The following FAT3 variants were observed in gnomAD, a reference collection of about 807,000 sequenced individuals.
The protein encoded by FAT3 is protocadherin Fat 3.
In FAT3, 95 loss-of-function variants were observed where a neutral mutation model predicts 310.2. That is an observed-to-expected ratio of 0.31 (90% CI 0.26 to 0.36). FAT3 has a LOEUF of 0.36. Among genes scored for constraint, FAT3 ranks in the 10% least tolerant of loss-of-function variants. The pLI, the probability that FAT3 is intolerant of heterozygous loss-of-function variation, is 1.00. For missense variants in FAT3, 5,408 were observed against 5,715.6 expected (o/e 0.95, Z 1.74); for synonymous variants, 2,314 against 2,192.9 (o/e 1.06, Z -1.54).
chr11:92,810,122 T>TGA, intron 13 of FAT3, 46 bp downstream of exon 13: 1 of 1,544,240 alleles, frequency 6.5e-7, no homozygotes, highest in Non-Finnish European at 8.9e-7. Context: ...GGACACTTTG[T>TGA]CTTCAGGTGC....
intron 1 of FAT3, among the ~76,000 whole-genome samples, chr11:92,278,811 G>A (rs1477674653): frequency 6.6e-6 from 1 of 152,094 alleles, no homozygotes; most frequent in Non-Finnish European, 1.5e-5. Context: ...TAAAGGTATG[G>A]AGCTAGAGGG....
chr11:92,593,560 C>T (rs918443118), intron 3 of FAT3, among the ~76,000 whole-genome samples: 1 of 151,816 alleles, frequency 6.6e-6, no homozygotes, highest in African/African-American at 2.4e-5. Context: ...AGAGTATTTT[C>T]CTTATAGTCA....
chr11:92,541,955 C>T (rs1954461822), intron 3 of FAT3, among the ~76,000 whole-genome samples: 1 of 152,068 alleles, frequency 6.6e-6, no homozygotes, highest in Non-Finnish European at 1.5e-5. Flanking sequence ...ACCTGTTTTA[C>T]ATGATGAAAG....
intron 2 of FAT3, among the ~76,000 whole-genome samples, chr11:92,455,281 G>A (rs2135084425): frequency 6.6e-6 from 1 of 152,238 alleles, no homozygotes; most frequent in East Asian, 1.9e-4. Flanking sequence ...TACAGCTTTA[G>A]TTTATCCATG....
chr11:92,860,138 C>G (rs1333295279), intron 21 of FAT3, among the ~76,000 whole-genome samples: 1 of 152,190 alleles, frequency 6.6e-6, no homozygotes, highest in African/African-American at 2.4e-5. Flanking sequence ...GACAGAGACT[C>G]TTTCTCAAAA....
chr11:92,335,597 T>A lies in FAT3; in HGVS notation c.-17-16499T>A, dbSNP rs973440665. On this transcript the variant is annotated intron_variant, in intron 1 of 27. Coordinates refer to ENST00000525166, the MANE Select transcript of FAT3 (RefSeq NM_001367949.2). ...CTTATTTAGAAACATATATATATTT[T>A]TTATTTTGAATTGTGTAAAAAAAGA... is the stretch of plus-strand genomic sequence containing the variant. Among the ~76,000 whole-genome samples, 5 of 152,212 alleles carry A rather than the reference T, an allele frequency of 3.3e-5. No individual in the cohort carries two copies. In the South Asian group the frequency reaches 1.0e-3, roughly 31 times the overall value.
chr11:92,353,387 G>T lies in FAT3; in HGVS notation c.1275G>T (p.Arg425=), dbSNP rs995159160. Residue 425 remains arginine, a synonymous_variant, in exon 2 of 28, where the codon CGG becomes CGT. Transcript: ENST00000525166. ...CAGTGTACTTTAAAATTAATCCTCG[G>T]TCGGGTCTGATTGTTACAGCACGGC... ...EDAVYFKINP[R]SGLIVTARPL... is the part of the protein sequence containing the mutation. 6 of 1,613,352 alleles carry T rather than the reference G, an allele frequency of 3.7e-6. No homozygotes were observed. Among genetic ancestry groups the T allele is most frequent in the African/African-American group, 1.3e-5 (1 of 74,992 alleles).
At position 92,735,557 on chromosome 11, in the gene FAT3, CATAGATAGATAGATAGATAG is replaced by C. The variant is rs35680919; in HGVS notation, c.3670-26273_3670-26254del. Among the ~76,000 whole-genome samples, 1,275 of 148,854 alleles carry C rather than the reference CATAGATAGATAGATAGATAG, an allele frequency of 8.6e-3. 17 individuals are homozygous for C. The highest frequency in any genetic ancestry group is 0.03 in the African/African-American group (1,207 of 40,398). ...ATGACTAGAAGGATGGATGGATGAGCATAGATAGATAGATAGATAGATAGATAGATAGATAGATAGATAGA... is the reference window on the plus strand; with the variant it reads ...ATGACTAGAAGGATGGATGGATGAGCATAGATAGATAGATAGATAGATAGA... On this transcript the variant is annotated intron_variant, in intron 4 of 27. Transcript: ENST00000525166.
chr11:92,696,072 C>T (rs1236720540), intron 3 of FAT3, among the ~76,000 whole-genome samples: 3 of 151,944 alleles, frequency 2.0e-5, no homozygotes, highest in Non-Finnish European at 1.5e-5. Flanking sequence ...AATTATTTCA[C>T]ATGGTATGCT....
chr11:92,466,818 T>G (rs1288638712), intron 2 of FAT3, among the ~76,000 whole-genome samples: 1 of 146,388 alleles, frequency 6.8e-6, no homozygotes, highest in Admixed American at 7.2e-5. Flanking sequence ...CACCTATGAG[T>G]GAGAACATGC....
intron 3 of FAT3, among the ~76,000 whole-genome samples, chr11:92,586,779 G>A (rs181433793): frequency 1.3e-5 from 2 of 151,972 alleles, no homozygotes; most frequent in East Asian, 3.9e-4. Context: ...CTTTTTGGGG[G>A]GAACATACTT....
At chr11:92,329,562 A>ATT (rs1265778412) in intron 1 of FAT3, among the ~76,000 whole-genome samples, 1 of 151,060 alleles carries the variant, frequency 6.6e-6, no homozygotes, top group Non-Finnish European at 1.5e-5. Flanking sequence ...TAGGCTGTTA[A>ATT]TTAAGTTTAT....
At chr11:92,606,764 A>G (rs961674047) in intron 3 of FAT3, among the ~76,000 whole-genome samples, 1 of 152,198 alleles carries the variant, frequency 6.6e-6, no homozygotes, top group East Asian at 1.9e-4. Flanking sequence ...CTGTGGAACT[A>G]GCACTTAAAG....
intron 2 of FAT3, among the ~76,000 whole-genome samples, chr11:92,443,845 G>T (rs1039734034): frequency 6.6e-6 from 1 of 151,998 alleles, no homozygotes; most frequent in Non-Finnish European, 1.5e-5. Context: ...ATAAGAAGAG[G>T]AGGAAGAGGA....
chr11:92,659,484 A>G (rs1942698295), intron 3 of FAT3, among the ~76,000 whole-genome samples: 1 of 152,180 alleles, frequency 6.6e-6, no homozygotes, highest in African/African-American at 2.4e-5. Context: ...TAAGGATTCT[A>G]CTTCCACTTT....
chr11:92,391,084 C>T (rs781232609), intron 2 of FAT3, among the ~76,000 whole-genome samples: 8 of 152,164 alleles, frequency 5.3e-5, no homozygotes, highest in Admixed American at 2.0e-4. Context: ...AACTCCAGAG[C>T]AGTTAACAAC....
intron 1 of FAT3, among the ~76,000 whole-genome samples, chr11:92,226,138 T>G (rs1480960411): frequency 6.6e-6 from 1 of 151,536 alleles, no homozygotes; most frequent in Non-Finnish European, 1.5e-5. Context: ...GGGGAGGCAG[T>G]AGAGGTGGCC....
At position 92,790,209 on chromosome 11, in the gene FAT3, C is replaced by T. The variant is rs748592961; in HGVS notation, c.4602C>T (p.Leu1534=). 1.3e-5 allele frequency: 21 copies of T among 1,613,482 alleles called. No homozygotes were observed. The Admixed American group carries it at 3.5e-4, about 27-fold the overall frequency. The part of the protein sequence containing the change: ...LDHEAQDKHI[L]NIMVRDQEFP... ...ATGAGGCCCAGGACAAGCACATTCT[C>T]AACATAATGGTAGGACCAAAATCCT... is the stretch of plus-strand genomic sequence containing the variant. The change falls in exon 8 of 28, where the codon CTC becomes CTT. Residue 1534 remains leucine, a synonymous_variant. Transcript: ENST00000525166.
chr11:92,267,098 C>T (rs1033189260), intron 1 of FAT3, among the ~76,000 whole-genome samples: 1 of 150,658 alleles, frequency 6.6e-6, no homozygotes, highest in Non-Finnish European at 1.5e-5. Context: ...AATTCCCATC[C>T]TGCCGACTTT....
Sources: allele counts gnomAD v4.1 joint callset (sites outside exome capture counted in the v4.1 genomes callset), GRCh38; gene constraint gnomAD v4.1.1; transcripts MANE v1.5; gene names NCBI Gene and HGNC (gene_info 2026-07-23, HGNC 2026-07-21).